PTPRD: variants seen among roughly 807,000 people sequenced by gnomAD.
PTPRD encodes the protein protein tyrosine phosphatase receptor type D, also known as receptor-type tyrosine-protein phosphatase delta.
PTPRD carries 34 observed loss-of-function variants against 214.5 expected under a neutral mutation model. The observed-to-expected ratio is 0.16, with a 90% CI of 0.12 to 0.21. The LOEUF is 0.21. PTPRD is among the 10% of genes least tolerant of loss of function. The pLI, the probability that PTPRD is intolerant of heterozygous loss-of-function variation, is 1.00. For missense variants in PTPRD, 2,545 were observed against 2,398.7 expected (o/e 1.06, Z -1.27); for synonymous variants, 1,128 against 845.7 (o/e 1.33, Z -5.79).
chr9:9,216,822 A>G (rs186866335), intron 9 of PTPRD, among the ~76,000 whole-genome samples: 27 of 152,314 alleles, frequency 1.8e-4, no homozygotes, highest in African/African-American at 4.1e-4. Context: ...TGTAAAATCT[A>G]TAACTGTGTT....
At chr9:9,862,732 G>T (rs182492559) in intron 5 of PTPRD, among the ~76,000 whole-genome samples, 18 of 150,532 alleles carry the variant, frequency 1.2e-4, no homozygotes, top group Non-Finnish European at 2.1e-4. Context: ...TGGGGGGCGG[G>T]GGGGGGAGTA....
At chr9:8,472,699 T>G (rs1249822479) in intron 30 of PTPRD, among the ~76,000 whole-genome samples, 1 of 150,450 alleles carries the variant, frequency 6.6e-6, no homozygotes, top group African/African-American at 2.5e-5. Flanking sequence ...TCTGGATGTA[T>G]TAGGTTAAAT....
chr9:8,512,845 A>ACATCAAG (rs1214701184), intron 21 of PTPRD, among the ~76,000 whole-genome samples: 1 of 152,028 alleles, frequency 6.6e-6, no homozygotes, highest in East Asian at 1.9e-4. Context: ...ATTAGCATGA[A>ACATCAAG]CATCAAGCAA....
At chr9:8,825,425 T>C (rs1471635193) in intron 11 of PTPRD, among the ~76,000 whole-genome samples, 3 of 152,228 alleles carry the variant, frequency 2.0e-5, no homozygotes, top group Non-Finnish European at 4.4e-5. Context: ...TGCTTACAAC[T>C]AGTTTTTAAA....
chr9:9,989,999 G>T (rs1035739765), intron 4 of PTPRD, among the ~76,000 whole-genome samples: 2 of 152,190 alleles, frequency 1.3e-5, no homozygotes, highest in Non-Finnish European at 2.9e-5. Flanking sequence ...ATCTCAACTG[G>T]GGGCTCTCCC....
intron 14 of PTPRD, among the ~76,000 whole-genome samples, chr9:8,631,760 T>C (rs892706607): frequency 3.9e-5 from 6 of 151,908 alleles, no homozygotes; most frequent in Non-Finnish European, 5.9e-5. Context: ...TCTTGGGTTA[T>C]TACAATTGTC....
At chr9:10,334,815 T>A (rs1326649931) in intron 3 of PTPRD, among the ~76,000 whole-genome samples, 1 of 151,592 alleles carries the variant, frequency 6.6e-6, no homozygotes, top group African/African-American at 2.4e-5. Context: ...CAAGTGGAAT[T>A]TGAAACTAAA....
intron 2 of PTPRD, among the ~76,000 whole-genome samples, chr9:10,478,387 G>A (rs2784624): frequency 0.84 from 127,906 of 152,052 alleles, 53,849 homozygotes; most frequent in East Asian, 0.93. Flanking sequence ...TTTCAGCCAC[G>A]GCCTTGATAC....
rs1191153147 is a variant in PTPRD, at chr9:9,990,413, C to A, written c.-472+43305G>T. Among the ~76,000 whole-genome samples the A allele has an allele frequency of 2.6e-5, 4 of 152,172 alleles. No homozygotes were observed. In the East Asian group the frequency reaches 5.8e-4, roughly 22 times the overall value. Reference sequence around the variant, plus strand: ...TCTGTTTATGGAGGTGTCATTTTCACCCCAACAGCTGCAAGTCAGTGAGGG... The same window carrying A: ...TCTGTTTATGGAGGTGTCATTTTCAACCCAACAGCTGCAAGTCAGTGAGGG... On this transcript the variant is annotated intron_variant, in intron 4 of 45. Coordinates refer to ENST00000381196, the MANE Select transcript of PTPRD (RefSeq NM_002839.4).
chr9:10,463,466 T>C (rs999158203), intron 2 of PTPRD, among the ~76,000 whole-genome samples: 1 of 152,172 alleles, frequency 6.6e-6, no homozygotes. Flanking sequence ...ATAAGTTGTT[T>C]ATTTCAATTC....
At chr9:9,310,340 A>G (rs995420282) in intron 9 of PTPRD, among the ~76,000 whole-genome samples, 7 of 152,010 alleles carry the variant, frequency 4.6e-5, no homozygotes, top group African/African-American at 1.2e-4. Flanking sequence ...TCTCATTTCC[A>G]CACCTGCCTT....
chr9:9,894,006 G>A (rs2074214454), intron 5 of PTPRD, among the ~76,000 whole-genome samples: 1 of 152,038 alleles, frequency 6.6e-6, no homozygotes, highest in Admixed American at 6.6e-5. Flanking sequence ...TAGAGAAGGG[G>A]TTTCACAATG....
At chr9:10,428,494 T>A (rs1334852397) in intron 2 of PTPRD, among the ~76,000 whole-genome samples, 7 of 152,094 alleles carry the variant, frequency 4.6e-5, no homozygotes, top group Admixed American at 4.6e-4. Context: ...TTTGTCTCAA[T>A]GCTGTTGATA....
At chr9:10,389,725 C>G (rs2098015300) in intron 2 of PTPRD, among the ~76,000 whole-genome samples, 1 of 151,840 alleles carries the variant, frequency 6.6e-6, no homozygotes, top group African/African-American at 2.4e-5. Context: ...TCATCATTGA[C>G]TCCACCTCCA....
chr9:10,341,325 A>G (rs1171198135), intron 2 of PTPRD, among the ~76,000 whole-genome samples: 3 of 152,026 alleles, frequency 2.0e-5, no homozygotes, highest in Admixed American at 6.6e-5. Flanking sequence ...CCTAAAGAAA[A>G]ATAGCCTTTG....
intron 5 of PTPRD, among the ~76,000 whole-genome samples, chr9:9,872,935 C>A (rs564532891): frequency 1.3e-5 from 2 of 152,110 alleles, no homozygotes; most frequent in South Asian, 2.1e-4. Flanking sequence ...TAAGTATGGG[C>A]TTGATAAACA....
At chr9:8,775,916 C>A (rs778507925) in intron 11 of PTPRD, among the ~76,000 whole-genome samples, 3 of 151,826 alleles carry the variant, frequency 2.0e-5, no homozygotes, top group Non-Finnish European at 2.9e-5. Flanking sequence ...TTCACATGAA[C>A]AGCTTGATGT....
intron 2 of PTPRD, among the ~76,000 whole-genome samples, chr9:10,393,766 T>G (rs908244378): frequency 6.8e-6 from 1 of 148,086 alleles, no homozygotes; most frequent in East Asian, 2.0e-4. Context: ...AAATCTTATC[T>G]AATCAAGTGA....
chr9:9,634,730 T>C (rs974886529), intron 7 of PTPRD, among the ~76,000 whole-genome samples: 1 of 152,142 alleles, frequency 6.6e-6, no homozygotes, highest in African/African-American at 2.4e-5. Context: ...TTTGAGTAGA[T>C]TTCTGTGCAT....
Sources: gnomAD v4.1 joint callset for allele counts (sites outside exome capture counted in the v4.1 genomes callset) on GRCh38, gnomAD v4.1.1 for gene constraint, MANE v1.5 for transcripts, NCBI Gene and HGNC (gene_info 2026-07-23, HGNC 2026-07-21) for gene names.